Variants in NPC1 observed in about 807,000 individuals in gnomAD.
The protein encoded by NPC1 is Niemann-Pick C1 protein.
A neutral mutation model predicts 140.4 loss-of-function variants in NPC1; 85 were observed. The observed-to-expected ratio is 0.61, with a 90% CI of 0.51 to 0.72. The LOEUF (loss-of-function observed/expected upper bound fraction) is 0.72. Ranked by LOEUF, NPC1 falls within the 30% of genes least tolerant of loss-of-function variation. The probability of loss-of-function intolerance (pLI) is 0.00; values close to 1 mark genes in which losing one functional copy is unlikely to be tolerated. For synonymous variants in NPC1, 656 were observed against 624.8 expected (o/e 1.05, Z -0.74); for missense variants, 1,504 against 1,623.8 (o/e 0.93, Z 1.27).
intron 20 of NPC1, among the ~76,000 whole-genome samples, chr18:23,537,994 C>G (rs1344002566): frequency 6.6e-6 from 1 of 152,204 alleles, no homozygotes; most frequent in Non-Finnish European, 1.5e-5. Flanking sequence ...CCAGAGACTT[C>G]CGGTCATCAT....
In NPC1 at chr18:23,544,540, C is replaced by G; in HGVS notation, c.1948-14G>C. 6.2e-7 allele frequency: 1 copy of G among 1,613,498 alleles called. No homozygotes were observed. Among genetic ancestry groups the G allele is most frequent in the South Asian group, 1.1e-5 (1 of 91,054 alleles). On this transcript the variant is annotated splice_polypyrimidine_tract_variant and intron_variant, in intron 12 of 24. Transcript: ENST00000269228. Reference sequence around the variant, plus strand: ...CTTCGAATCCACCTGAGAGAGGCGACAGACACAATCACCAATTAGTTACAG... The same window carrying G: ...CTTCGAATCCACCTGAGAGAGGCGAGAGACACAATCACCAATTAGTTACAG...
In NPC1 at chr18:23,536,323, G is replaced by C. The variant is rs368841506; in HGVS notation, c.3245+350C>G. Among the ~76,000 whole-genome samples the C allele has an allele frequency of 5.3e-5, 8 of 152,342 alleles. No individual in the cohort carries two copies. In the East Asian group the frequency reaches 1.5e-3, roughly 29 times the overall value. On this transcript the variant is annotated intron_variant, in intron 21 of 24. Transcript: ENST00000269228. ...CAGCATCCCAAATAACCAGCAGTTA[G>C]GGATTCTGGTTCATTGTTGGCCAAG...
chr18:23,527,589 C>CTTTTTTTTTTTTT (rs71163615), downstream of NPC1, among the ~76,000 whole-genome samples: 1 of 108,372 alleles, frequency 9.2e-6, no homozygotes. Context: ...CCTGCTATAG[C>CTTTTTTTTTTTTT]TTTTTTTTTT....
At chr18:23,584,267 C>T (rs1056567833) in intron 1 of NPC1, among the ~76,000 whole-genome samples, 3 of 152,212 alleles carry the variant, frequency 2.0e-5, no homozygotes, top group Non-Finnish European at 4.4e-5. Context: ...CAGACTGAAG[C>T]TAATGAGCTG....
chr18:23,537,035 C>A (rs1788822), intron 20 of NPC1, among the ~76,000 whole-genome samples, 159 bp from the exon 21 acceptor site: 1 of 152,084 alleles, frequency 6.6e-6, no homozygotes, highest in Non-Finnish European at 1.5e-5. Flanking sequence ...TAAGGGAACA[C>A]CAAAGGTTTA....
chr18:23,531,845 G>T lies in NPC1; in HGVS notation c.*357C>A. The T allele has an allele frequency of 6.8e-7, 1 of 1,460,884 alleles. No homozygotes were observed. Among genetic ancestry groups the T allele is most frequent in the Non-Finnish European group, 9.0e-7 (1 of 1,115,406 alleles). The allele number at this position is 1,460,884 out of a possible 1,614,324, so 90.5% of individuals were successfully genotyped here. A position where few individuals can be genotyped will look rare whatever the true frequency, so the allele number is the denominator to read the frequency against. On this transcript the variant is annotated 3_prime_UTR_variant, in exon 25 of 25. Transcript: ENST00000269228. ...AAATATGGTATAGAACTTGTGGGAT[G>T]GCTTACTCCTAAAAGGAGAGACAGA...
chr18:23,550,479 C>CTTCTTTTTTTTTTT (rs746388624), intron 10 of NPC1, among the ~76,000 whole-genome samples: 1 of 74,922 alleles, frequency 1.3e-5, no homozygotes, highest in African/African-American at 6.5e-5. Flanking sequence ...TCTTACATTT[C>CTTCTTTTTTTTTTT]TTTTTTTTTT....
chr18:23,543,012 T>G (rs766126905), intron 14 of NPC1, among the ~76,000 whole-genome samples: 2 of 151,980 alleles, frequency 1.3e-5, no homozygotes, highest in African/African-American at 2.4e-5. Context: ...ACTTTCCCAG[T>G]GCAGAACAAA....
Position 23,573,328 on chromosome 18 carries a change from G to C in NPC1, c.180+124C>G, listed in dbSNP as rs909035313. ...GCCACAGGTTAGAGTTTGAGAGTCC[G>C]GGATAAGACTTAAGCCTGTTAGTCT... On this transcript the variant is annotated intron_variant, in intron 2 of 24. Coordinates refer to ENST00000269228, the MANE Select transcript of NPC1 (RefSeq NM_000271.5). 8.9e-6 allele frequency: 12 copies of C among 1,354,428 alleles called. No homozygotes were observed. The African/African-American group carries it at 1.4e-4, about 16-fold the overall frequency. The allele number at this position is 1,354,428 out of a possible 1,614,324, so 83.9% of individuals were successfully genotyped here.
In NPC1 at chr18:23,534,067, A is replaced by G. The variant is rs554012778; in HGVS notation, c.3591+379T>C. 5 of 377,064 alleles carry G rather than the reference A, an allele frequency of 1.3e-5. No individual in the cohort carries two copies. In the South Asian group the frequency reaches 1.4e-4, roughly 10 times the overall value. The allele number at this position is 377,064 out of a possible 1,614,324, so 23.4% of individuals were successfully genotyped here. A position where few individuals can be genotyped will look rare whatever the true frequency, so the allele number is the denominator to read the frequency against. ...TTACTCTTTACCAGGTATTTTCTACAGTGGTAAAGAGATAGGCTAAGCCAG... is the reference window on the plus strand; with the variant it reads ...TTACTCTTTACCAGGTATTTTCTACGGTGGTAAAGAGATAGGCTAAGCCAG... On this transcript the variant is annotated intron_variant, in intron 23 of 24. Transcript: ENST00000269228.
In NPC1 at chr18:23,574,724, G is replaced by A. The variant is rs372932362; in HGVS notation, c.58-1150C>T. 4.6e-5 allele frequency among the ~76,000 whole-genome samples: 7 copies of A among 152,112 alleles called. No homozygotes were observed. In the East Asian group the frequency reaches 9.6e-4, roughly 21 times the overall value. On this transcript the variant is annotated intron_variant, in intron 1 of 24. Coordinates refer to ENST00000269228, the MANE Select transcript of NPC1 (RefSeq NM_000271.5). Reference sequence around the variant, plus strand: ...TAAAAATTAGGACTTAACTCCTCTTGACTCTTTGAAAGTCATGTTTAGGCC... The same window carrying A: ...TAAAAATTAGGACTTAACTCCTCTTAACTCTTTGAAAGTCATGTTTAGGCC...
chr18:23,557,346 G>T (rs554935899), intron 6 of NPC1, among the ~76,000 whole-genome samples, 156 bp from the exon 7 acceptor site: 1 of 152,224 alleles, frequency 6.6e-6, no homozygotes, highest in Admixed American at 6.5e-5. Context: ...CTTGCTCTGG[G>T]TCCCTCTGCT....
chr18:23,563,116 A>G (rs1373529688), intron 4 of NPC1, among the ~76,000 whole-genome samples: 3 of 152,184 alleles, frequency 2.0e-5, no homozygotes, highest in African/African-American at 7.2e-5. Context: ...CATAAATCCA[A>G]TCATATAATA....
In NPC1 at chr18:23,534,509, C is replaced by G. The variant is rs150602021; in HGVS notation, c.3528G>C (p.Thr1176=). Residue 1176 remains threonine, a synonymous_variant, in exon 23 of 25, where the codon ACG becomes ACC. Coordinates refer to ENST00000269228, the MANE Select transcript of NPC1 (RefSeq NM_000271.5). ...EFCSHITRAF[T]VSMKGSRVER... ...CCACGCGGCTGCCTTTCATGCTCAC[C>G]GTGAACGCTCTGGTTATGTGGCTGC... is the stretch of plus-strand genomic sequence containing the variant. The G allele has an allele frequency of 6.2e-7, 1 of 1,614,160 alleles. No individual in the cohort carries two copies. Among genetic ancestry groups the G allele is most frequent in the African/African-American group, 1.3e-5 (1 of 75,064 alleles).
intron 1 of NPC1, chr18:23,524,111 A>T: frequency 6.2e-7 from 1 of 1,614,074 alleles, no homozygotes; most frequent in Non-Finnish European, 8.5e-7. Flanking sequence ...CGTTGCACTT[A>T]TGTTTTCTCA....
chr18:23,579,017 C>T (rs2145577718), intron 1 of NPC1, among the ~76,000 whole-genome samples: 1 of 152,326 alleles, frequency 6.6e-6, no homozygotes, highest in East Asian at 1.9e-4. Flanking sequence ...ACCCACCCTT[C>T]CCACTGCCTG....
intron 9 of NPC1, among the ~76,000 whole-genome samples, chr18:23,553,987 T>C (rs2058912269): frequency 6.6e-6 from 1 of 152,116 alleles, no homozygotes; most frequent in African/African-American, 2.4e-5. Context: ...CAAAGGCTCT[T>C]CTATCTTTAA....
intron 6 of NPC1, among the ~76,000 whole-genome samples, chr18:23,558,976 G>T (rs908082695): frequency 6.6e-6 from 1 of 151,960 alleles, no homozygotes; most frequent in Non-Finnish European, 1.5e-5. Flanking sequence ...TGCGGTGTTT[G>T]GTTTTTTGTC....
At position 23,536,794 on chromosome 18, in the gene NPC1, G is replaced by C; in HGVS notation, c.3124C>G (p.His1042Asp). 1 of 1,614,164 alleles carries C rather than the reference G, an allele frequency of 6.2e-7. No homozygotes were observed. Among genetic ancestry groups the C allele is most frequent in the Non-Finnish European group, 8.5e-7 (1 of 1,180,002 alleles). The change falls in exon 21 of 25, where the codon CAC becomes GAC. Residue 1042 changes from histidine (H) to aspartate (D), a missense_variant. By Grantham distance (81) the His-to-Asp change is moderately conservative (BLOSUM62 -1). Coordinates refer to ENST00000269228, the MANE Select transcript of NPC1 (RefSeq NM_000271.5). ...TCAGCAGAGGTCTGCAGCACGGTGT[G>C]GTAGGTCATGAAGTACGTGGCTCCG... is the stretch of plus-strand genomic sequence containing the variant. The part of the protein sequence containing the change: ...RVGATYFMTY[H>D]TVLQTSADFI...
Sources: allele counts gnomAD v4.1 joint callset (sites outside exome capture counted in the v4.1 genomes callset), GRCh38; gene constraint gnomAD v4.1.1; transcripts MANE v1.5; gene names NCBI Gene and HGNC (gene_info 2026-07-23, HGNC 2026-07-21).